The following FER variants were observed in gnomAD, a reference collection of about 807,000 sequenced individuals.
FER encodes the protein tyrosine-protein kinase Fer.
In FER, 63 loss-of-function variants were observed where a neutral mutation model predicts 111.0. That is an observed-to-expected ratio of 0.57 (90% CI 0.46 to 0.70). FER has a LOEUF of 0.70. FER is among the 30% of genes least tolerant of loss of function. FER has a pLI of 0.00. For missense variants in FER, 914 were observed against 954.0 expected (o/e 0.96, Z 0.55); for synonymous variants, 327 against 313.9 (o/e 1.04, Z -0.44).
intron 8 of FER, among the ~76,000 whole-genome samples, chr5:108,879,204 A>G (rs1765390820): frequency 6.6e-6 from 1 of 152,030 alleles, no homozygotes. Context: ...ATTTAAAAAT[A>G]TAAAGAATAA....
chr5:109,053,696 T>TTTC, intron 16 of FER, among the ~76,000 whole-genome samples: 1 of 144,982 alleles, frequency 6.9e-6, no homozygotes, highest in East Asian at 2.0e-4. Flanking sequence ...GTTCTATTTT[T>TTTC]TTTTTTTTTT....
At chr5:108,899,721 T>A (rs934323483) in intron 10 of FER, among the ~76,000 whole-genome samples, 20 of 151,996 alleles carry the variant, frequency 1.3e-4, no homozygotes, top group Non-Finnish European at 1.8e-4. Context: ...GGAGAATCAT[T>A]TGAACCTGGG....
chr5:108,827,216 C>A (rs988049208), intron 3 of FER, among the ~76,000 whole-genome samples: 3 of 152,132 alleles, frequency 2.0e-5, no homozygotes, highest in Admixed American at 6.5e-5. Flanking sequence ...AAATCTTCAA[C>A]ACTTTTGGAA....
chr5:109,103,893 T>A (rs1748563665), intron 17 of FER, among the ~76,000 whole-genome samples: 1 of 152,232 alleles, frequency 6.6e-6, no homozygotes, highest in Non-Finnish European at 1.5e-5. Flanking sequence ...CCAAATTTGT[T>A]TTTATTCAGG....
At chr5:108,770,204 T>C (rs1752748549) in intron 2 of FER, among the ~76,000 whole-genome samples, 1 of 152,202 alleles carries the variant, frequency 6.6e-6, no homozygotes, top group Non-Finnish European at 1.5e-5. Context: ...CACCTTGGTG[T>C]CCCAAAGTGC....
chr5:109,164,427 T>G (rs1368764937), intron 17 of FER, among the ~76,000 whole-genome samples: 1 of 152,214 alleles, frequency 6.6e-6, no homozygotes, highest in Non-Finnish European at 1.5e-5. Flanking sequence ...GGTCCTTGTT[T>G]AATACTTGCT....
chr5:108,996,990 T>C (rs576194622), intron 13 of FER, among the ~76,000 whole-genome samples: 1 of 152,256 alleles, frequency 6.6e-6, no homozygotes, highest in Admixed American at 6.5e-5. Flanking sequence ...TCCTTGTAAG[T>C]TGGATTCCTA....
chr5:109,118,563 A>G (rs1750565588), intron 17 of FER, among the ~76,000 whole-genome samples: 3 of 152,166 alleles, frequency 2.0e-5, no homozygotes, highest in African/African-American at 7.2e-5. Flanking sequence ...ATTGATTGGA[A>G]TAGTTTCAGA....
At chr5:108,753,969 A>C (rs1236768392) in intron 1 of FER, among the ~76,000 whole-genome samples, 3 of 152,192 alleles carry the variant, frequency 2.0e-5, no homozygotes, top group Admixed American at 2.0e-4. Flanking sequence ...CATGTATGAC[A>C]TATTCCACTG....
chr5:108,899,276 C>T (rs1561584404), intron 10 of FER, among the ~76,000 whole-genome samples: 1 of 152,158 alleles, frequency 6.6e-6, no homozygotes, highest in Non-Finnish European at 1.5e-5. Flanking sequence ...TCCTTGCACT[C>T]TTTCACTGTC....
intron 13 of FER, among the ~76,000 whole-genome samples, chr5:109,033,313 T>G (rs186902030): frequency 3.9e-5 from 6 of 152,284 alleles, no homozygotes; most frequent in African/African-American, 1.4e-4. Flanking sequence ...ATATGTAGTA[T>G]AATCACTTTA....
At chr5:108,955,656 G>C (rs1186475778) in intron 12 of FER, among the ~76,000 whole-genome samples, 1 of 151,748 alleles carries the variant, frequency 6.6e-6, no homozygotes, top group Non-Finnish European at 1.5e-5. Context: ...TGATGCCTCT[G>C]TTTGTTTTCC....
At chr5:108,756,678 C>T (rs964732665) in intron 1 of FER, among the ~76,000 whole-genome samples, 1 of 151,952 alleles carries the variant, frequency 6.6e-6, no homozygotes, top group African/African-American at 2.4e-5. Flanking sequence ...CAATTATTTA[C>T]AAGCATTTAT....
chr5:108,991,118 T>C (rs1763113464), intron 13 of FER, among the ~76,000 whole-genome samples: 1 of 151,250 alleles, frequency 6.6e-6, no homozygotes, highest in African/African-American at 2.4e-5. Flanking sequence ...AGACAGAAAA[T>C]AAGAAAATTA....
At chr5:109,025,729 C>T (rs911173597) in intron 13 of FER, among the ~76,000 whole-genome samples, 4 of 151,948 alleles carry the variant, frequency 2.6e-5, no homozygotes, top group East Asian at 3.9e-4. Flanking sequence ...CTAGTTTTTG[C>T]CCATTCAGTA....
intron 2 of FER, among the ~76,000 whole-genome samples, chr5:108,777,360 T>G (rs1580467418): frequency 6.6e-6 from 1 of 152,234 alleles, no homozygotes; most frequent in African/African-American, 2.4e-5. Flanking sequence ...CCACTACATA[T>G]CCTCTGTTAT....
chr5:109,000,751 C>G (rs1052699717), intron 13 of FER, among the ~76,000 whole-genome samples: 1 of 151,562 alleles, frequency 6.6e-6, no homozygotes, highest in Admixed American at 6.6e-5. Context: ...ATTGATAGAC[C>G]GCTAGCAAGA....
At chr5:109,113,268 T>A (rs1438808410) in intron 17 of FER, among the ~76,000 whole-genome samples, 1 of 152,150 alleles carries the variant, frequency 6.6e-6, no homozygotes, top group Non-Finnish European at 1.5e-5. Context: ...CCTAGGAACT[T>A]CTGCTTACAT....
At chr5:108,978,689 A>C (rs1761678414) in intron 13 of FER, among the ~76,000 whole-genome samples, 1 of 152,180 alleles carries the variant, frequency 6.6e-6, no homozygotes, top group Non-Finnish European at 1.5e-5. Context: ...ATATGCGTTG[A>C]GAGAATGTTT....
Sources: allele counts gnomAD v4.1 joint callset (sites outside exome capture counted in the v4.1 genomes callset), GRCh38; gene constraint gnomAD v4.1.1; transcripts MANE v1.5; gene names NCBI Gene and HGNC (gene_info 2026-07-23, HGNC 2026-07-21).